PRPF8: variants seen among roughly 807,000 people sequenced by gnomAD.
PRPF8 encodes pre-mRNA-processing-splicing factor 8.
A neutral mutation model predicts 285.9 loss-of-function variants in PRPF8; 64 were observed. The observed-to-expected ratio is 0.22, with a 90% CI of 0.18 to 0.28. The LOEUF (loss-of-function observed/expected upper bound fraction) is 0.28, where lower values mean the gene tolerates loss of function less well. Among genes scored for constraint, PRPF8 ranks in the 10% least tolerant of loss-of-function variants. The pLI is 1.00. For missense variants in PRPF8, 1,426 were observed against 3,026.7 expected, an observed-to-expected ratio of 0.47 and a Z score of 12.41; for synonymous variants, 1,325 against 1,118.2, an observed-to-expected ratio of 1.18 and a Z score of -3.69.
chr17:1,672,558 C>T (rs1025878957), intron 24 of PRPF8, among the ~76,000 whole-genome samples: 2 of 152,246 alleles, frequency 1.3e-5, no homozygotes, highest in African/African-American at 2.4e-5. Flanking sequence ...GCTGGGATTA[C>T]AGGCGTGAGC....
At position 1,651,902 on chromosome 17, in the gene PRPF8, C is replaced by A. The variant is rs549935272; in HGVS notation, c.6370-114G>T. 10 of 1,354,218 alleles carry A rather than the reference C, an allele frequency of 7.4e-6. No individual in the cohort carries two copies. The highest frequency in any genetic ancestry group is 2.1e-4 in the Middle Eastern group (1 of 4,764). 83.9% of individuals were successfully genotyped at this position (1,354,218 alleles called of 1,614,324 possible). A position where few individuals can be genotyped will look rare whatever the true frequency, so the allele number is the denominator to read the frequency against. Reference sequence around the variant, plus strand: ...AGAACGAGGACAGAGTTTCTTAAAACGTGATCAGAACCCCCTGTATCAGAA... The same window carrying A: ...AGAACGAGGACAGAGTTTCTTAAAAAGTGATCAGAACCCCCTGTATCAGAA... On this transcript the variant is annotated intron_variant, in intron 39 of 42. Coordinates refer to ENST00000304992, the MANE Select transcript of PRPF8 (RefSeq NM_006445.4). The surrounding 1 kb of genome is among the most constrained non-coding windows in gnomAD (Gnocchi z 5.1).
chr17:1,668,517 G>T (rs923408570), intron 24 of PRPF8, among the ~76,000 whole-genome samples: 1 of 151,478 alleles, frequency 6.6e-6, no homozygotes, highest in Non-Finnish European at 1.5e-5. Flanking sequence ...CGCCCGCCAC[G>T]ACATCCAGCT....
rs768104347 is a variant in PRPF8 at position 1,659,824 on chromosome 17, G to A, written c.4946+17C>T. ...AAAGTGTCCTGGCTGCCTAGGGCTG[G>A]GTCCTGAGGCACTTACTTGGAGTCA... On this transcript the variant is annotated intron_variant, in intron 31 of 42. Coordinates refer to ENST00000304992, the MANE Select transcript of PRPF8 (RefSeq NM_006445.4). The surrounding 1 kb of genome is among the most constrained non-coding windows in gnomAD (Gnocchi z 5.1). 4 of 1,613,354 alleles carry A rather than the reference G, an allele frequency of 2.5e-6. No individual in the cohort carries two copies. Among genetic ancestry groups the A allele is most frequent in the Non-Finnish European group, 3.4e-6 (4 of 1,179,398 alleles).
Position 1,657,283 on chromosome 17 carries a change from A to G in PRPF8, c.5506-522T>C, listed in dbSNP as rs181149200. On this transcript the variant is annotated intron_variant, in intron 34 of 42. Transcript: ENST00000304992. The stretch of plus-strand genomic sequence containing the variant: ...CCAGATGTTGAACGTCTAGGAAGCT[A>G]AAGAAGAGTTAATTCAGCAAGAGTT... Among the ~76,000 whole-genome samples, 210 of 152,324 alleles carry G rather than the reference A, an allele frequency of 1.4e-3. 1 individual carries two copies. In the South Asian group the frequency reaches 0.016, roughly 12 times the overall value.
Position 1,661,867 on chromosome 17 carries a change from G to C in PRPF8, c.4022+39C>G, listed in dbSNP as rs1267871535. The C allele has an allele frequency of 1.2e-6, 2 of 1,614,172 alleles. No individual in the cohort carries two copies. Among genetic ancestry groups the C allele is most frequent in the Admixed American group, 3.3e-5 (2 of 60,016 alleles). ...GAAATACCCACTTCCCTTAGGGCCT[G>C]AGCAATAGGGTTTAGAAATACGTTG... On this transcript the variant is annotated intron_variant, in intron 25 of 42. Transcript: ENST00000304992. The surrounding 1 kb of genome is among the most constrained non-coding windows in gnomAD (Gnocchi z 7.3).
At position 1,677,794 on chromosome 17, in the gene PRPF8, C is replaced by T. The variant is rs750254135; in HGVS notation, c.1855-100G>A. 6.1e-6 allele frequency: 9 copies of T among 1,464,506 alleles called. No individual in the cohort carries two copies. In the East Asian group the frequency reaches 9.1e-5, roughly 15 times the overall value. 90.7% of individuals were successfully genotyped at this position (1,464,506 alleles called of 1,614,324 possible). A position where few individuals can be genotyped will look rare whatever the true frequency, so the allele number is the denominator to read the frequency against. ...GGGGCATATATGTATAATATACATA[C>T]AGAGGAATGTAGGTATGGCAGTAGA... On this transcript the variant is annotated intron_variant, in intron 13 of 42. Coordinates refer to ENST00000304992, the MANE Select transcript of PRPF8 (RefSeq NM_006445.4).
intron 24 of PRPF8, among the ~76,000 whole-genome samples, chr17:1,664,055 G>A (rs1911820833): frequency 1.3e-5 from 2 of 152,184 alleles, no homozygotes. Flanking sequence ...AAGCAAGACA[G>A]GGTCTTGCTC....
At chr17:1,656,589 T>A (rs1911401612) in intron 35 of PRPF8, 24 bp from the exon 36 acceptor site, 1 of 1,614,020 alleles carries the variant, frequency 6.2e-7, no homozygotes, top group Non-Finnish European at 8.5e-7. Flanking sequence ...AAGTCCAAGA[T>A]GAGAAACAGC....
At chr17:1,681,418 G>C (rs991929654) in intron 6 of PRPF8, 60 bp downstream of exon 6, 2 of 1,495,222 alleles carry the variant, frequency 1.3e-6, no homozygotes, top group Non-Finnish European at 1.9e-6. Context: ...GGACTTTAAG[G>C]ATCAAGATTA....
At chr17:1,660,954 G>A in intron 28 of PRPF8, 39 bp downstream of exon 28, 11 of 1,612,982 alleles carry the variant, frequency 6.8e-6, no homozygotes, top group Non-Finnish European at 9.3e-6. Context: ...TGAGCTCAAA[G>A]GGTTGTGACA....
At chr17:1,678,495 A>C in intron 13 of PRPF8, 23 bp downstream of exon 13, 1 of 1,614,110 alleles carries the variant, frequency 6.2e-7, no homozygotes, top group South Asian at 1.1e-5. Flanking sequence ...AAAAAAAGAA[A>C]GTCAGTAAAG....
At chr17:1,667,601 T>C (rs965431166) in intron 24 of PRPF8, among the ~76,000 whole-genome samples, 1 of 144,436 alleles carries the variant, frequency 6.9e-6, no homozygotes, top group Admixed American at 7.3e-5. Context: ...TGGAGTGCAG[T>C]GGCGCAATCT....
intron 30 of PRPF8, 57 bp downstream of exon 30, chr17:1,660,375 C>T: frequency 3.7e-6 from 6 of 1,611,280 alleles, no homozygotes; most frequent in Non-Finnish European, 4.2e-6. Context: ...ACCCTCTCCC[C>T]TCAATTCCAC....
intron 21 of PRPF8, 93 bp downstream of exon 21, chr17:1,674,349 G>A (rs1912500428): frequency 1.6e-6 from 2 of 1,261,704 alleles, no homozygotes; most frequent in Non-Finnish European, 2.3e-6. Context: ...AGCCCCAACA[G>A]CAGTTAAGTC....
rs1289747844 is a variant in PRPF8, at chr17:1,659,273, A to C, written c.5138+84T>G. 2.0e-6 allele frequency: 3 copies of C among 1,473,782 alleles called. No individual in the cohort carries two copies. The highest frequency in any genetic ancestry group is 3.4e-5 in the Admixed American group (2 of 59,386). 91.3% of individuals were successfully genotyped at this position (1,473,782 alleles called of 1,614,324 possible). On this transcript the variant is annotated intron_variant, in intron 32 of 42. Coordinates refer to ENST00000304992, the MANE Select transcript of PRPF8 (RefSeq NM_006445.4). This position sits in a 1 kb window ranked among gnomAD's most constrained non-coding sequence, Gnocchi z 5.1. Reference sequence around the variant, plus strand: ...ACTCCTGAGCTCAGACAATCTGCCCACCGCGGCCTCCCAAAGTGCTGGGAT... The same window carrying C: ...ACTCCTGAGCTCAGACAATCTGCCCCCCGCGGCCTCCCAAAGTGCTGGGAT...
rs775267703 is a variant in PRPF8 at position 1,651,356 on chromosome 17, G to A, written c.6651-46C>T. The A allele has an allele frequency of 6.2e-7, 1 of 1,613,886 alleles. No individual in the cohort carries two copies. The highest frequency in any genetic ancestry group is 8.5e-7 in the Non-Finnish European group (1 of 1,180,000). ...GAGTAACAGCTCAGGCCACTGTTCT[G>A]GGCCCTGGCCTGCAATCCCTGCCCC... On this transcript the variant is annotated intron_variant, in intron 41 of 42. Transcript: ENST00000304992. This position sits in a 1 kb window ranked among gnomAD's most constrained non-coding sequence, Gnocchi z 5.1.
Position 1,679,860 on chromosome 17 carries a change from A to T in PRPF8, c.1099-61T>A, listed in dbSNP as rs1912813747. On this transcript the variant is annotated intron_variant, in intron 8 of 42. Coordinates refer to ENST00000304992, the MANE Select transcript of PRPF8 (RefSeq NM_006445.4). This position sits in a 1 kb window ranked among gnomAD's most constrained non-coding sequence, Gnocchi z 4.7. ...CTGAACTAGGCACAGACTTAAGATG[A>T]GGGAAATTCTCTGGGGCCAAGCACA... The T allele has an allele frequency of 6.3e-7, 1 of 1,585,596 alleles. No individual in the cohort carries two copies. The highest frequency in any genetic ancestry group is 1.7e-5 in the Admixed American group (1 of 59,954).
At chr17:1,655,668 C>T (rs1911336527) in intron 36 of PRPF8, 125 bp from the exon 37 acceptor site, 1 of 843,398 alleles carries the variant, frequency 1.2e-6, no homozygotes, top group Non-Finnish European at 1.9e-6. Flanking sequence ...GCTCTGTCGC[C>T]CAGGCTGGAG....
chr17:1,658,880 T>C lies in PRPF8; in HGVS notation c.5139-117A>G, dbSNP rs560688994. 169 of 886,248 alleles carry C rather than the reference T, an allele frequency of 1.9e-4. No homozygotes were observed. In the African/African-American group the frequency reaches 2.4e-3, roughly 13 times the overall value. The allele number at this position is 886,248 out of a possible 1,614,324, so 54.9% of individuals were successfully genotyped here. A position where few individuals can be genotyped will look rare whatever the true frequency, so the allele number is the denominator to read the frequency against. On this transcript the variant is annotated intron_variant, in intron 32 of 42. Transcript: ENST00000304992. This position sits in a 1 kb window ranked among gnomAD's most constrained non-coding sequence, Gnocchi z 4.1. ...GTTCGCCAGGCTGACAACACTCTGC[T>C]CATGTGTACATACAGGCTGGAGAAG...
Sources: allele counts gnomAD v4.1 joint callset (sites outside exome capture counted in the v4.1 genomes callset), GRCh38; gene constraint gnomAD v4.1.1; non-coding constraint Gnocchi (gnomAD v3.1); transcripts MANE v1.5; gene names NCBI Gene and HGNC (gene_info 2026-07-23, HGNC 2026-07-21).